AVIL: variants seen among roughly 807,000 people sequenced by gnomAD.
AVIL encodes the protein advillin.
Under a neutral mutation model 109.9 loss-of-function variants are expected in AVIL, and 78 were observed. That is an observed-to-expected ratio of 0.71 (90% CI 0.59 to 0.86). AVIL has a LOEUF of 0.86. Among genes scored for constraint, AVIL ranks in the 40% least tolerant of loss-of-function variants. AVIL has a pLI of 0.00. For missense variants in AVIL, 892 were observed against 1,016.5 expected (o/e 0.88, Z 1.67); for synonymous variants, 367 against 379.1 (o/e 0.97, Z 0.37).
At chr12:57,817,399 C>T (rs1956111889) in intron 1 of AVIL, among the ~76,000 whole-genome samples, 1 of 150,648 alleles carries the variant, frequency 6.6e-6, no homozygotes, top group Non-Finnish European at 1.5e-5. Context: ...CCATAAAGCT[C>T]AAAGCAGACT....
At chr12:57,816,724 T>C in intron 1 of AVIL, among the ~76,000 whole-genome samples, 1 of 130,424 alleles carries the variant, frequency 7.7e-6, no homozygotes, top group East Asian at 2.7e-4. Context: ...TTTTTTTTTT[T>C]TAGAGTAAAC....
At position 57,806,341 on chromosome 12, in the gene AVIL, C is replaced by G; in HGVS notation, c.1671+19G>C. On this transcript the variant is annotated intron_variant, in intron 14 of 19. Transcript: ENST00000549994. ...TGGGCTCCGAGGGGCTGGTCTGACC[C>G]GGGGCCCAGCCATCCTACCTTGCCA... 1 of 1,613,604 alleles carries G rather than the reference C, an allele frequency of 6.2e-7. No individual in the cohort carries two copies. Among genetic ancestry groups the G allele is most frequent in the African/African-American group, 1.3e-5 (1 of 74,944 alleles).
At chr12:57,799,275 T>G (rs1219632184) in intron 19 of AVIL, among the ~76,000 whole-genome samples, 3 of 152,212 alleles carry the variant, frequency 2.0e-5, no homozygotes, top group Non-Finnish European at 4.4e-5. Flanking sequence ...AAGGCTGGAA[T>G]AAGCATGTTT....
chr12:57,814,054 A>G, intron 3 of AVIL, 98 bp downstream of exon 3: 1 of 1,293,374 alleles, frequency 7.7e-7, no homozygotes, highest in Non-Finnish European at 1.1e-6. Context: ...GACCGATACC[A>G]GGGACTGACT....
chr12:57,815,737 G>A (rs1368567867), intron 2 of AVIL: 2 of 1,421,924 alleles, frequency 1.4e-6, no homozygotes, highest in African/African-American at 2.9e-5. Context: ...TAAAGGACAA[G>A]CCTGTTTTTG....
rs144912746 is a variant in AVIL at position 57,807,528 on chromosome 12, G to T, written c.1333-39C>A. 522 of 1,614,192 alleles carry T rather than the reference G, an allele frequency of 3.2e-4. 4 individuals carry two copies. The African/African-American group carries it at 5.2e-3, about 16-fold the overall frequency. ...AGGCCATGAAGGACCCATGCTCCCCGCCCCAGCCCAGTGGCCAGAGGACAC... is the reference window on the plus strand; with the variant it reads ...AGGCCATGAAGGACCCATGCTCCCCTCCCCAGCCCAGTGGCCAGAGGACAC... On this transcript the variant is annotated intron_variant, in intron 12 of 19. Transcript: ENST00000549994.
At chr12:57,812,507 G>A (rs1442587068) in intron 4 of AVIL, among the ~76,000 whole-genome samples, 3 of 152,106 alleles carry the variant, frequency 2.0e-5, no homozygotes, top group Non-Finnish European at 4.4e-5. Context: ...GATTACAGGT[G>A]TGCACCAGCA....
intron 9 of AVIL, chr12:57,809,189 C>T (rs768946542): frequency 3.7e-5 from 7 of 188,372 alleles, no homozygotes; most frequent in Non-Finnish European, 7.8e-5. Context: ...TTAGTAGAGA[C>T]AGGGTTTCAC....
intron 1 of AVIL, chr12:57,816,261 A>G (rs531934616): frequency 1.9e-6 from 1 of 514,128 alleles, no homozygotes; most frequent in African/African-American, 2.0e-5. Context: ...GGGGATTACC[A>G]CCCATGAGTT....
chr12:57,816,166 AC>A, intron 1 of AVIL, 107 bp from the exon 2 acceptor site: 1 of 877,980 alleles, frequency 1.1e-6, no homozygotes, highest in Admixed American at 2.5e-5. Context: ...CCATCCTGCC[AC>A]ACCCTCATGG....
rs749647108 is a variant in AVIL, at chr12:57,807,855, C to A, written c.1195-128G>T. 26 of 1,337,536 alleles carry A rather than the reference C, an allele frequency of 1.9e-5. No individual in the cohort carries two copies. The Admixed American group carries it at 2.5e-4, about 13-fold the overall frequency. The allele number at this position is 1,337,536 out of a possible 1,614,324, so 82.9% of individuals were successfully genotyped here. On this transcript the variant is annotated intron_variant, in intron 11 of 19. Transcript: ENST00000549994. ...CCATGTTCCCTTTCTCCCTCTGGTT[C>A]TCTCCCAGTGCTGAGGACTCATCAC...
Position 57,814,242 on chromosome 12 carries a change from G to C in AVIL, c.67-16C>G, listed in dbSNP as rs372706181. 103 of 1,608,352 alleles carry C rather than the reference G, an allele frequency of 6.4e-5. No individual in the cohort carries two copies. In the African/African-American group the frequency reaches 1.3e-3, roughly 20 times the overall value. Reference sequence around the variant, plus strand: ...GCTCCATTTTCTGGAAGGACAAGGGGTGGGTATAGGCTACATCCCCTCCCA... The same window carrying C: ...GCTCCATTTTCTGGAAGGACAAGGGCTGGGTATAGGCTACATCCCCTCCCA... On this transcript the variant is annotated splice_polypyrimidine_tract_variant and intron_variant, in intron 2 of 19. Transcript: ENST00000549994.
At chr12:57,800,409 A>AT in intron 18 of AVIL, 1 of 153,762 alleles carries the variant, frequency 6.5e-6, no homozygotes, top group Non-Finnish European at 1.5e-5. Flanking sequence ...GAGGTTAAAG[A>AT]ACTGCTGGAT....
In AVIL at chr12:57,803,374, A is replaced by C. The variant is rs768916239; in HGVS notation, c.1835T>G (p.Leu612Arg). The C allele has an allele frequency of 1.9e-6, 3 of 1,614,248 alleles. No homozygotes were observed. The highest frequency in any genetic ancestry group is 2.5e-6 in the Non-Finnish European group (3 of 1,180,036). ...TTCAAAGAGACGAGACTGGACATCT[A>C]GGATTTCCTGCTGAAGTCTGCAATA... ...ANDKRLQQEI[L>R]DVQSRLFECS... The change falls in exon 16 of 20, where the codon CTA (leucine) becomes CGA (arginine). Residue 612 changes from leucine (L) to arginine (R), a missense_variant. Physicochemically the swap from Leu to Arg is moderately radical, Grantham distance 102. Coordinates refer to ENST00000549994, the MANE Select transcript of AVIL (RefSeq NM_006576.4).
chr12:57,814,290 C>A, intron 2 of AVIL, 64 bp from the exon 3 acceptor site: 1 of 1,482,834 alleles, frequency 6.7e-7, no homozygotes, highest in South Asian at 1.2e-5. Flanking sequence ...ATGAGCCTCC[C>A]TCTCCTCTCT....
At chr12:57,802,105 A>C in intron 17 of AVIL, 55 bp downstream of exon 17, 2 of 1,578,280 alleles carry the variant, frequency 1.3e-6, no homozygotes, top group Non-Finnish European at 1.7e-6. Flanking sequence ...CTGCCCACTG[A>C]GCTGTTCTGA....
In AVIL at chr12:57,808,297, G is replaced by T; in HGVS notation, c.1094-3C>A. 1 of 1,614,202 alleles carries T rather than the reference G, an allele frequency of 6.2e-7. No homozygotes were observed. The highest frequency in any genetic ancestry group is 1.1e-5 in the South Asian group (1 of 91,074). ...AAATTTATCCTGGAAAACTTTAGCTGTGGAGAAAGGGTTGGGAAAAGCCGA... is the reference window on the plus strand; with the variant it reads ...AAATTTATCCTGGAAAACTTTAGCTTTGGAGAAAGGGTTGGGAAAAGCCGA... On this transcript the variant is annotated splice_polypyrimidine_tract_variant and splice_region_variant and intron_variant, in intron 10 of 19. Coordinates refer to ENST00000549994, the MANE Select transcript of AVIL (RefSeq NM_006576.4).
chr12:57,809,737 G>A (rs1287160653), intron 8 of AVIL, 42 bp from the exon 9 acceptor site: 11 of 1,613,798 alleles, frequency 6.8e-6, no homozygotes, highest in Non-Finnish European at 9.3e-6. Context: ...AAGACCAGAA[G>A]GAAGATTTTG....
intron 14 of AVIL, chr12:57,806,132 G>GC (rs1418084571): frequency 1.1e-4 from 33 of 295,728 alleles, no homozygotes; most frequent in Non-Finnish European, 2.9e-5. Context: ...ACCGTGCCCA[G>GC]CTTTTTTTTT....
Sources: allele counts gnomAD v4.1 joint callset (sites outside exome capture counted in the v4.1 genomes callset), GRCh38; gene constraint gnomAD v4.1.1; transcripts MANE v1.5; gene names NCBI Gene and HGNC (gene_info 2026-07-23, HGNC 2026-07-21).